AK5: variants seen among roughly 807,000 people sequenced by gnomAD.
The protein encoded by AK5 is adenylate kinase isoenzyme 5.
A neutral mutation model predicts 69.5 loss-of-function variants in AK5; 27 were observed. That is an observed-to-expected ratio of 0.39 (90% CI 0.29 to 0.54). AK5 has a LOEUF of 0.54. AK5 is among the 20% of genes least tolerant of loss of function. The pLI is 0.71. For missense variants in AK5, 531 were observed against 700.4 expected (o/e 0.76, Z 2.73); for synonymous variants, 260 against 244.4 (o/e 1.06, Z -0.60).
intron 6 of AK5, among the ~76,000 whole-genome samples, chr1:77,378,443 T>C (rs1647385402): frequency 6.6e-6 from 1 of 152,162 alleles, no homozygotes; most frequent in African/African-American, 2.4e-5. Flanking sequence ...TGCCTCAGCC[T>C]CCCAAGTAGC....
At chr1:77,462,980 T>C (rs1402621806) in intron 8 of AK5, among the ~76,000 whole-genome samples, 1 of 152,250 alleles carries the variant, frequency 6.6e-6, no homozygotes, top group African/African-American at 2.4e-5. Context: ...CCTGCTGCCT[T>C]ATTTGCAATT....
intron 6 of AK5, among the ~76,000 whole-genome samples, chr1:77,361,451 A>T (rs1426176047): frequency 1.3e-5 from 2 of 152,202 alleles, no homozygotes; most frequent in Non-Finnish European, 2.9e-5. Flanking sequence ...GTGAAATAAT[A>T]TGTATAAAGC....
chr1:77,495,104 A>G (rs35038885), intron 10 of AK5, among the ~76,000 whole-genome samples: 25,354 of 152,022 alleles, frequency 0.17, 2,397 homozygotes, highest in Non-Finnish European at 0.18. Context: ...ATCTTATTTA[A>G]TCCTCACACC....
chr1:77,287,077 C>T lies in AK5; in HGVS notation c.197C>T (p.Thr66Ile), dbSNP rs1192365468. 2 of 1,607,716 alleles carry T rather than the reference C, an allele frequency of 1.2e-6. No individual in the cohort carries two copies. Among genetic ancestry groups the T allele is most frequent in the East Asian group, 2.2e-5 (1 of 44,594 alleles). ...ACATTTGTAAGCCAGGAAAAGAAGA[C>T]CTTACCTCCACTAAATGGAGGACAG... ...WDTFVSQEKK[T>I]LPPLNGGQSR... The change falls in exon 2 of 14, where the codon ACC becomes ATC. Residue 66 changes from threonine to isoleucine, a missense_variant. Transcript: ENST00000354567.
At chr1:77,286,851 AAATT>A (rs1658381433) in intron 1 of AK5, 86 bp from the exon 2 acceptor site, 10 of 884,508 alleles carry the variant, frequency 1.1e-5, no homozygotes, top group Non-Finnish European at 1.5e-5. Context: ...TATTTCAAAA[AAATT>A]AATTAATTAA....
In AK5 at chr1:77,309,328, C is replaced by T. The variant is rs372136779; in HGVS notation, c.699+11381C>T. Among the ~76,000 whole-genome samples, 6 of 152,170 alleles carry T rather than the reference C, an allele frequency of 3.9e-5. No individual in the cohort carries two copies. In the East Asian group the frequency reaches 1.2e-3, roughly 29 times the overall value. Reference sequence around the variant, plus strand: ...AACACACACGAACACTCAAATTGATCGTGATTAACAATATATTCAACTATC... The same window carrying T: ...AACACACACGAACACTCAAATTGATTGTGATTAACAATATATTCAACTATC... On this transcript the variant is annotated intron_variant, in intron 5 of 13. Coordinates refer to ENST00000354567, the MANE Select transcript of AK5 (RefSeq NM_174858.3).
chr1:77,347,839 C>T (rs1239754579), intron 6 of AK5, among the ~76,000 whole-genome samples: 8 of 152,130 alleles, frequency 5.3e-5, no homozygotes, highest in African/African-American at 1.2e-4. Context: ...TCATAAGCAA[C>T]GCCCTGACTC....
chr1:77,493,330 C>T (rs1042398583), intron 10 of AK5, among the ~76,000 whole-genome samples: 2 of 150,620 alleles, frequency 1.3e-5, no homozygotes, highest in South Asian at 2.1e-4. Flanking sequence ...CACCAGCAGC[C>T]CCCCCCAGGT....
intron 8 of AK5, among the ~76,000 whole-genome samples, chr1:77,459,828 A>G (rs1427552665): frequency 6.6e-6 from 1 of 152,180 alleles, no homozygotes; most frequent in East Asian, 1.9e-4. Flanking sequence ...TACTGTGTAC[A>G]TTTTTCTAGA....
At chr1:77,372,937 C>T (rs1297422828) in intron 6 of AK5, among the ~76,000 whole-genome samples, 1 of 152,148 alleles carries the variant, frequency 6.6e-6, no homozygotes, top group Non-Finnish European at 1.5e-5. Context: ...GGATCTATGT[C>T]ATTTGTTTCA....
chr1:77,408,601 T>A (rs1241337169), intron 6 of AK5, among the ~76,000 whole-genome samples: 1 of 152,158 alleles, frequency 6.6e-6, no homozygotes, highest in East Asian at 1.9e-4. Context: ...GTTGGTAGTT[T>A]CTTTTGCTGT....
At chr1:77,353,466 A>G (rs548512025) in intron 6 of AK5, among the ~76,000 whole-genome samples, 73 of 152,296 alleles carry the variant, frequency 4.8e-4, no homozygotes, top group African/African-American at 1.7e-3. Flanking sequence ...CGGTAGAGCA[A>G]GACTCCATCT....
At chr1:77,321,078 A>G (rs1351986251) in intron 5 of AK5, among the ~76,000 whole-genome samples, 7 of 152,228 alleles carry the variant, frequency 4.6e-5, no homozygotes, top group Admixed American at 1.3e-4. Flanking sequence ...CTAAAGAACA[A>G]TAGACATGTC....
In AK5 at chr1:77,518,574, C is replaced by T. The variant is rs765976758; in HGVS notation, c.1158C>T (p.Gly386=). 1.9e-6 allele frequency: 3 copies of T among 1,613,876 alleles called. No homozygotes were observed. The highest frequency in any genetic ancestry group is 2.5e-6 in the Non-Finnish European group (3 of 1,179,890). Residue 386 remains glycine, a synonymous_variant, in exon 11 of 14, where the codon GGC becomes GGT. Coordinates refer to ENST00000354567, the MANE Select transcript of AK5 (RefSeq NM_174858.3). ...TGACTTCTTTTCAAGGTGGTCCTGGCTCTGGCAAAGGCACACAGTGTGAAA... is the reference window on the plus strand; with the variant it reads ...TGACTTCTTTTCAAGGTGGTCCTGGTTCTGGCAAAGGCACACAGTGTGAAA... The part of the protein sequence containing the change: ...CKIIFIIGGP[G]SGKGTQCEKL...
intron 2 of AK5, among the ~76,000 whole-genome samples, chr1:77,290,988 G>C (rs972995633): frequency 6.6e-6 from 1 of 152,120 alleles, no homozygotes; most frequent in Non-Finnish European, 1.5e-5. Context: ...CCTAGCTTGG[G>C]GTTCAGGGTC....
At chr1:77,528,490 A>C (rs780738714) in intron 12 of AK5, among the ~76,000 whole-genome samples, 7 of 152,170 alleles carry the variant, frequency 4.6e-5, no homozygotes, top group Non-Finnish European at 1.5e-5. Context: ...AGGTCCTTTG[A>C]GGATTTCCTT....
At chr1:77,533,522 A>AACAAAC (rs1658779168) in intron 12 of AK5, among the ~76,000 whole-genome samples, 3 of 147,880 alleles carry the variant, frequency 2.0e-5, no homozygotes, top group African/African-American at 7.6e-5. Context: ...AAAAAAAAAA[A>AACAAAC]AAAAAAAAAA....
chr1:77,475,008 T>A (rs1654758013), intron 8 of AK5, among the ~76,000 whole-genome samples: 1 of 151,672 alleles, frequency 6.6e-6, no homozygotes, highest in African/African-American at 2.4e-5. Flanking sequence ...TCACTATGTT[T>A]ACCAGGCTGA....
intron 6 of AK5, among the ~76,000 whole-genome samples, chr1:77,396,175 T>A (rs1648816824): frequency 6.6e-6 from 1 of 152,144 alleles, no homozygotes; most frequent in Non-Finnish European, 1.5e-5. Flanking sequence ...ACCCATAGAG[T>A]TGAGTCAGCT....
Sources: allele counts gnomAD v4.1 joint callset (sites outside exome capture counted in the v4.1 genomes callset), GRCh38; gene constraint gnomAD v4.1.1; transcripts MANE v1.5; gene names NCBI Gene and HGNC (gene_info 2026-07-23, HGNC 2026-07-21).